The following GRM1 variants were observed in gnomAD, a reference collection of about 807,000 sequenced individuals.
GRM1 encodes glutamate metabotropic receptor 1, also known as metabotropic glutamate receptor 1.
Under a neutral mutation model 90.9 loss-of-function variants are expected in GRM1, and 33 were observed. That is an observed-to-expected ratio of 0.36 (90% CI 0.28 to 0.49). The LOEUF is 0.49. GRM1 is among the 20% of genes least tolerant of loss of function. The probability of loss-of-function intolerance (pLI) is 0.99; values close to 1 mark genes in which losing one functional copy is unlikely to be tolerated. For missense variants in GRM1, 1,190 were observed against 1,534.3 expected, an observed-to-expected ratio of 0.78 and a Z score of 3.75; for synonymous variants, 700 against 613.2, an observed-to-expected ratio of 1.14 and a Z score of -2.09.
rs2114701650 is a variant in GRM1 at position 146,434,594 on chromosome 6, A to G, written c.3383A>G (p.Glu1128Gly). 6.2e-7 allele frequency: 1 copy of G among 1,613,858 alleles called. No individual in the cohort carries two copies. The highest frequency in any genetic ancestry group is 2.2e-5 in the East Asian group (1 of 44,876). ...NTEEDELEEE[E>G]EDLQAASKLT... Reference sequence around the variant, plus strand: ...GAAGAAGACGAACTGGAAGAGGAGGAGGAGGACCTGCAGGCGGCCAGCAAA... The same window carrying G: ...GAAGAAGACGAACTGGAAGAGGAGGGGGAGGACCTGCAGGCGGCCAGCAAA... The change falls in exon 8 of 8, where the codon GAG (glutamate) becomes GGG (glycine). Residue 1128 changes from glutamate (E) to glycine (G), a missense_variant. Physicochemically the swap from Glu to Gly is moderately conservative, Grantham distance 98. Around this residue, in one of 10 missense-constraint regions of GRM1, gnomAD observed 400 missense variants for 360.8 expected, o/e 1.11. Transcript: ENST00000282753.
intron 2 of GRM1, among the ~76,000 whole-genome samples, chr6:146,182,814 A>G (rs1778598831): frequency 6.6e-6 from 1 of 152,186 alleles, no homozygotes. Context: ...TTGAATAGAG[A>G]CACTAGCCAA....
intron 7 of GRM1, among the ~76,000 whole-genome samples, chr6:146,407,117 A>G (rs1306543417): frequency 6.6e-6 from 1 of 152,210 alleles, no homozygotes; most frequent in Non-Finnish European, 1.5e-5. Context: ...TTTTCTTCAC[A>G]TGAAGGCCCT....
chr6:146,245,490 C>T (rs1383033551), intron 2 of GRM1, among the ~76,000 whole-genome samples: 3 of 152,118 alleles, frequency 2.0e-5, no homozygotes, highest in Admixed American at 2.0e-4. Flanking sequence ...TTTATTGATA[C>T]TGTTACCAAA....
intron 1 of GRM1, among the ~76,000 whole-genome samples, chr6:146,107,724 A>G (rs964172529): frequency 6.6e-6 from 1 of 152,182 alleles, no homozygotes; most frequent in Non-Finnish European, 1.5e-5. Context: ...TAATGTATCC[A>G]TGGAGTCTGC....
At chr6:146,294,467 T>A (rs1457851449) in intron 2 of GRM1, among the ~76,000 whole-genome samples, 2 of 152,092 alleles carry the variant, frequency 1.3e-5, no homozygotes, top group East Asian at 3.8e-4. Flanking sequence ...TTAAAATATG[T>A]TGAGACTTAC....
At position 146,399,592 on chromosome 6, in the gene GRM1, C is replaced by T. The variant is rs757829503; in HGVS notation, c.2553C>T (p.Thr851=). Residue 851 remains threonine, a synonymous_variant, in exon 7 of 8, where the codon ACC becomes ACT. Transcript: ENST00000282753. This position sits in a 1 kb window ranked among gnomAD's most constrained non-coding sequence, Gnocchi z 5.4. The part of the protein sequence containing the change: ...KPERNVRSAF[T]TSDVVRMHVG... ...AGAGGAATGTCCGCAGTGCCTTCAC[C>T]ACCTCTGATGTTGTCCGCATGCATG... 6.2e-7 allele frequency: 1 copy of T among 1,613,900 alleles called. No individual in the cohort carries two copies. The highest frequency in any genetic ancestry group is 8.5e-7 in the Non-Finnish European group (1 of 1,179,870).
chr6:146,277,730 A>T (rs780733491), intron 2 of GRM1, among the ~76,000 whole-genome samples: 23 of 152,150 alleles, frequency 1.5e-4, no homozygotes, highest in South Asian at 2.1e-4. Flanking sequence ...GAATGTTAAC[A>T]GTTGTTCAAG....
At chr6:146,388,872 C>T (rs1300465523) in intron 6 of GRM1, among the ~76,000 whole-genome samples, 2 of 152,078 alleles carry the variant, frequency 1.3e-5, no homozygotes, top group African/African-American at 4.8e-5. Context: ...GAAGAAGGGA[C>T]TCACCCAGGG....
At chr6:146,356,238 T>A (rs140223031) in intron 4 of GRM1, among the ~76,000 whole-genome samples, 1 of 152,208 alleles carries the variant, frequency 6.6e-6, no homozygotes, top group Admixed American at 6.5e-5. Context: ...TTGTCTTCCT[T>A]CATTTGGGAT....
At chr6:146,203,703 G>GCAC (rs1779399085) in intron 2 of GRM1, among the ~76,000 whole-genome samples, 1 of 152,160 alleles carries the variant, frequency 6.6e-6, no homozygotes, top group Non-Finnish European at 1.5e-5. Flanking sequence ...AGTATGTATA[G>GCAC]AGGAATCTTA....
chr6:146,073,894 G>A (rs777324258), intron 1 of GRM1, among the ~76,000 whole-genome samples: 4 of 152,078 alleles, frequency 2.6e-5, no homozygotes, highest in South Asian at 2.1e-4. Flanking sequence ...TCAGGTAAAC[G>A]TAGAGATGTC....
Position 146,304,780 on chromosome 6 carries a change from C to T in GRM1, c.1120C>T (p.His374Tyr), listed in dbSNP as rs752365604. 6.2e-7 allele frequency: 1 copy of T among 1,614,032 alleles called. No individual in the cohort carries two copies. Among genetic ancestry groups the T allele is most frequent in the Non-Finnish European group, 8.5e-7 (1 of 1,179,968 alleles). The change falls in exon 3 of 8, where the codon CAT becomes TAT. Residue 374 changes from histidine to tyrosine, a missense_variant. Coordinates refer to ENST00000282753, the MANE Select transcript of GRM1 (RefSeq NM_001278064.2). ...TCCCTGGTTCCCTGAGTTCTGGCAA[C>T]ATCGGTTCCAGTGCCGCCTTCCAGG... ...RNPWFPEFWQ[H>Y]RFQCRLPGHL... is the part of the protein sequence containing the mutation.
chr6:146,134,741 T>C (rs1776547766), intron 1 of GRM1, among the ~76,000 whole-genome samples: 2 of 152,060 alleles, frequency 1.3e-5, no homozygotes, highest in African/African-American at 4.8e-5. Context: ...CCATCCTGAC[T>C]ACCACAGTGA....
chr6:146,304,657 G>A lies in GRM1; in HGVS notation c.997G>A (p.Glu333Lys). ...RDEVIEGYEV[E>K]ANGGITIKLQ... ...TGAAGTCATTGAAGGTTATGAGGTG[G>A]AAGCCAACGGGGGAATCACGATAAA... The change falls in exon 3 of 8, where the codon GAA becomes AAA. Residue 333 changes from glutamate (E) to lysine (K), a missense_variant. Glu to Lys is a moderately conservative substitution (Grantham distance 56). Around this residue, in one of 10 missense-constraint regions of GRM1, gnomAD observed 414 missense variants for 598.4 expected, o/e 0.69. Coordinates refer to ENST00000282753, the MANE Select transcript of GRM1 (RefSeq NM_001278064.2). The A allele has an allele frequency of 1.9e-6, 3 of 1,613,958 alleles. No individual in the cohort carries two copies. Among genetic ancestry groups the A allele is most frequent in the Non-Finnish European group, 2.5e-6 (3 of 1,179,910 alleles).
chr6:146,278,551 G>A (rs763961836), intron 2 of GRM1, among the ~76,000 whole-genome samples: 2 of 152,076 alleles, frequency 1.3e-5, no homozygotes, highest in Non-Finnish European at 2.9e-5. Context: ...CAAGGCGGGC[G>A]GATCACCTGA....
At chr6:146,062,356 TA>T (rs34723957) in intron 1 of GRM1, among the ~76,000 whole-genome samples, 55,545 of 150,830 alleles carry the variant, frequency 0.37, 10,903 homozygotes, top group Middle Eastern at 0.51. Context: ...GGTAGGGGGC[TA>T]GGGGAGGGAT....
At chr6:146,146,278 G>A (rs1777099925) in intron 1 of GRM1, among the ~76,000 whole-genome samples, 3 of 151,110 alleles carry the variant, frequency 2.0e-5, no homozygotes, top group South Asian at 2.1e-4. Flanking sequence ...TAGTAGAGAC[G>A]GGATTTCACC....
intron 3 of GRM1, among the ~76,000 whole-genome samples, chr6:146,338,220 C>A (rs1014487999): frequency 2.6e-5 from 4 of 152,178 alleles, no homozygotes; most frequent in African/African-American, 9.7e-5. Context: ...ATAATGGCTC[C>A]ATTTTACTGG....
intron 2 of GRM1, among the ~76,000 whole-genome samples, chr6:146,233,123 T>C (rs1040269246): frequency 3.3e-5 from 5 of 152,102 alleles, no homozygotes; most frequent in African/African-American, 1.2e-4. Flanking sequence ...ACTTCTGATT[T>C]TATCTAAATT....
Sources: allele counts gnomAD v4.1 joint callset (sites outside exome capture counted in the v4.1 genomes callset), GRCh38; gene constraint gnomAD v4.1.1; regional missense constraint gnomAD v4.1.1; non-coding constraint Gnocchi (gnomAD v3.1); transcripts MANE v1.5; gene names NCBI Gene and HGNC (gene_info 2026-07-23, HGNC 2026-07-21).